DNHD1: variants seen among roughly 807,000 people sequenced by gnomAD.
The protein encoded by DNHD1 is dynein heavy chain domain 1, also known as dynein heavy chain domain-containing protein 1.
In DNHD1, 383 loss-of-function variants were observed where a neutral mutation model predicts 458.1. The observed-to-expected ratio is 0.84, with a 90% CI of 0.77 to 0.91. DNHD1 has a LOEUF of 0.91. Among genes scored for constraint, DNHD1 ranks in the 40% least tolerant of loss-of-function variants. The pLI is 0.00. For missense variants in DNHD1, 5,336 were observed against 5,866.1 expected (o/e 0.91, Z 2.95); for synonymous variants, 2,203 against 2,376.9 (o/e 0.93, Z 2.13).
intron 10 of DNHD1, 22 bp downstream of exon 10, chr11:6,520,311 G>T (rs1852580375): frequency 6.4e-7 from 1 of 1,551,560 alleles, no homozygotes; most frequent in South Asian, 1.2e-5. Context: ...GACCTAGGCA[G>T]GGGGTAGGAA....
intron 4 of DNHD1, among the ~76,000 whole-genome samples, chr11:6,504,638 A>G (rs1198726522): frequency 1.3e-5 from 2 of 152,042 alleles, no homozygotes; most frequent in African/African-American, 2.4e-5. Context: ...TAGTAGAGAC[A>G]GGGTTTCATC....
At chr11:6,507,806 T>C (rs1265217285) in intron 4 of DNHD1, among the ~76,000 whole-genome samples, 1 of 152,266 alleles carries the variant, frequency 6.6e-6, no homozygotes, top group East Asian at 1.9e-4. Flanking sequence ...AACTTCTCTT[T>C]GTTTCAGTTT....
chr11:6,560,256 A>C (rs1001689203), intron 28 of DNHD1, among the ~76,000 whole-genome samples: 1 of 152,200 alleles, frequency 6.6e-6, no homozygotes, highest in Non-Finnish European at 1.5e-5. Flanking sequence ...TTAAGCTCCT[A>C]ATACCTAGCC....
Position 6,571,464 on chromosome 11 carries a change from CG to C in DNHD1, c.13911+42del. 7.9e-6 allele frequency: 12 copies of C among 1,517,622 alleles called. No homozygotes were observed. The highest frequency in any genetic ancestry group is 9.8e-6 in the Non-Finnish European group (11 of 1,127,702). 94.0% of individuals were successfully genotyped at this position (1,517,622 alleles called of 1,614,324 possible). The stretch of plus-strand genomic sequence containing the variant: ...CCCTCGTTCGCGGTTCCAGTCCCCT[CG>C]AAGTCTCTAATTACACCTCGCAGTT... On this transcript the variant is annotated intron_variant, in intron 42 of 42. Coordinates refer to ENST00000254579, the MANE Select transcript of DNHD1 (RefSeq NM_144666.3). The surrounding 1 kb of genome is among the most constrained non-coding windows in gnomAD (Gnocchi z 5.0).
rs569753661 is a variant in DNHD1, at chr11:6,550,564, C to T, written c.7387+1631C>T. Among the ~76,000 whole-genome samples the T allele has an allele frequency of 2.2e-4, 33 of 152,220 alleles. 1 individual carries two copies. The South Asian group carries it at 4.6e-3, about 21-fold the overall frequency. On this transcript the variant is annotated intron_variant, in intron 24 of 42. Coordinates refer to ENST00000254579, the MANE Select transcript of DNHD1 (RefSeq NM_144666.3). ...CCCAGAAAATAATGTGACCTGCTGTCAAGAAGAAGCAAGCAATAGAATAGA... is the reference window on the plus strand; with the variant it reads ...CCCAGAAAATAATGTGACCTGCTGTTAAGAAGAAGCAAGCAATAGAATAGA...
At chr11:6,514,673 T>C (rs1268484535) in intron 7 of DNHD1, among the ~76,000 whole-genome samples, 1 of 152,152 alleles carries the variant, frequency 6.6e-6, no homozygotes, top group African/African-American at 2.4e-5. Flanking sequence ...TTTATATAGA[T>C]TGTTATTTTT....
chr11:6,520,153 C>A (rs1249323224), intron 9 of DNHD1, 51 bp downstream of exon 9: 1 of 1,613,292 alleles, frequency 6.2e-7, no homozygotes, highest in South Asian at 1.1e-5. Context: ...AGTTCCTATC[C>A]TCTGAGTAAT....
In DNHD1 at chr11:6,533,967, A is replaced by T; in HGVS notation, c.2792A>T (p.His931Leu). ...TCAGAGTTCCTGCTCAGCAAGCGAC[A>T]TGCCATTATGCCCAAGCTGCAGCAG... ...QASEFLLSKR[H>L]AIMPKLQQLM... Residue 931 changes from histidine (H) to leucine (L), a missense_variant, in exon 14 of 43, where the codon CAT (histidine) becomes CTT (leucine). This residue lies in a region of DNHD1 where 3,932 missense variants were observed against 4,365.6 expected (regional missense o/e 0.90). Transcript: ENST00000254579. 6.4e-7 allele frequency: 1 copy of T among 1,551,488 alleles called. No individual in the cohort carries two copies.
At chr11:6,566,048 C>A in intron 33 of DNHD1, 57 bp downstream of exon 33, 1 of 1,513,564 alleles carries the variant, frequency 6.6e-7, no homozygotes, top group Non-Finnish European at 8.9e-7. Flanking sequence ...ATTCTGTGAC[C>A]CCACAGGCCT....
chr11:6,558,256 T>TG lies in DNHD1; in HGVS notation c.8963dup (p.Val2989CysfsTer31), dbSNP rs1271504113. 7 of 1,551,456 alleles carry TG rather than the reference T, an allele frequency of 4.5e-6. No homozygotes were observed. The highest frequency in any genetic ancestry group is 6.1e-6 in the Non-Finnish European group (7 of 1,146,972). ...GAGAACACCTCCCCAGGGAGAACCTTGGTGTCAAACAGAACATCAAGAAGG... is the reference window on the plus strand; with the variant it reads ...GAGAACACCTCCCCAGGGAGAACCTTGGGTGTCAAACAGAACATCAAGAAGG... On this transcript the variant is annotated frameshift_variant, in exon 25 of 43. Coordinates refer to ENST00000254579, the MANE Select transcript of DNHD1 (RefSeq NM_144666.3). LOFTEE classifies it high-confidence loss of function.
chr11:6,510,244 C>T (rs747364436), intron 6 of DNHD1, among the ~76,000 whole-genome samples: 4 of 151,222 alleles, frequency 2.6e-5, no homozygotes, highest in Non-Finnish European at 4.4e-5. Context: ...CCACCACACC[C>T]GGCTAATTTT....
At chr11:6,542,309 C>G (rs1853111956) in intron 18 of DNHD1, among the ~76,000 whole-genome samples, 1 of 152,220 alleles carries the variant, frequency 6.6e-6, no homozygotes, top group Non-Finnish European at 1.5e-5. Flanking sequence ...ACTTTTCTGC[C>G]TCATCCTTAG....
intron 10 of DNHD1, among the ~76,000 whole-genome samples, chr11:6,523,916 A>T (rs1201323987): frequency 6.6e-6 from 1 of 152,154 alleles, no homozygotes; most frequent in Non-Finnish European, 1.5e-5. Flanking sequence ...TGATCTCAGG[A>T]GTTTGAGGCT....
In DNHD1 at chr11:6,546,430, G is replaced by C. The variant is rs1367085843; in HGVS notation, c.5491G>C (p.Asp1831His). The change falls in exon 21 of 43, where the codon GAT becomes CAT. Residue 1831 changes from aspartate (D) to histidine (H), a missense_variant. Transcript: ENST00000254579. ...LLRPVALALP[D>H]LRQVAELTLL... The stretch of plus-strand genomic sequence containing the variant: ...GCGGCCTGTGGCATTGGCATTGCCT[G>C]ATCTGCGGCAAGTGGCAGAGCTGAC... 1 of 1,551,672 alleles carries C rather than the reference G, an allele frequency of 6.4e-7. No individual in the cohort carries two copies. The highest frequency in any genetic ancestry group is 1.2e-5 in the South Asian group (1 of 84,058).
intron 39 of DNHD1, 89 bp downstream of exon 39, chr11:6,568,955 T>C: frequency 7.1e-7 from 1 of 1,403,668 alleles, no homozygotes; most frequent in South Asian, 1.4e-5. Flanking sequence ...AACTAATTCA[T>C]CTTTGGAAGC....
intron 3 of DNHD1, among the ~76,000 whole-genome samples, chr11:6,500,303 T>C (rs1852108101): frequency 6.6e-6 from 1 of 152,246 alleles, no homozygotes. Context: ...CTCCTTGTCC[T>C]CTGGCCTCAT....
intron 6 of DNHD1, 47 bp downstream of exon 6, chr11:6,509,319 T>C (rs1416134919): frequency 3.3e-6 from 5 of 1,506,288 alleles, no homozygotes; most frequent in Non-Finnish European, 4.5e-6. Flanking sequence ...AAAATTAGTT[T>C]TACTAAAGGT....
In DNHD1 at chr11:6,567,478, G is replaced by T; in HGVS notation, c.11969G>T (p.Cys3990Phe). The T allele has an allele frequency of 6.2e-7, 1 of 1,613,328 alleles. No individual in the cohort carries two copies. The highest frequency in any genetic ancestry group is 1.7e-5 in the Admixed American group (1 of 59,892). ...CTTGGGCCAAAAGCCTGGCATGAAT[G>T]TGAGATGTTAGAGCTGCTGCCCCCA... ...AWLGPKAWHE[C>F]EMLELLPPFV... Residue 3990 changes from cysteine (C) to phenylalanine (F), a missense_variant, in exon 36 of 43, where the codon TGT becomes TTT. This residue lies in a region of DNHD1 where 695 missense variants were observed against 804.2 expected (regional missense o/e 0.86). Coordinates refer to ENST00000254579, the MANE Select transcript of DNHD1 (RefSeq NM_144666.3).
At chr11:6,551,681 G>A (rs918747026) in intron 24 of DNHD1, among the ~76,000 whole-genome samples, 20 of 152,148 alleles carry the variant, frequency 1.3e-4, no homozygotes, top group Admixed American at 9.2e-4. Context: ...TGTGGCTCAC[G>A]CCTGTAATCC....
Sources: allele counts gnomAD v4.1 joint callset (sites outside exome capture counted in the v4.1 genomes callset), GRCh38; gene constraint gnomAD v4.1.1; regional missense constraint gnomAD v4.1.1; non-coding constraint Gnocchi (gnomAD v3.1); transcripts MANE v1.5; gene names NCBI Gene and HGNC (gene_info 2026-07-23, HGNC 2026-07-21).